The following LRP1B variants were observed in gnomAD, a reference collection of about 807,000 sequenced individuals.
LRP1B encodes the protein low-density lipoprotein receptor-related protein 1B.
A neutral mutation model predicts 556.6 loss-of-function variants in LRP1B; 217 were observed. The observed-to-expected ratio is 0.39, with a 90% CI of 0.35 to 0.44. The LOEUF (loss-of-function observed/expected upper bound fraction) is 0.44. Ranked by LOEUF, LRP1B falls within the 20% of genes least tolerant of loss-of-function variation. The pLI is 1.00. For synonymous variants in LRP1B, 2,047 were observed against 1,865.8 expected (o/e 1.10, Z -2.50); for missense variants, 5,053 against 5,620.8 (o/e 0.90, Z 3.23).
chr2:140,524,724 T>C (rs910214529), intron 49 of LRP1B, among the ~76,000 whole-genome samples: 2 of 151,842 alleles, frequency 1.3e-5, no homozygotes, highest in Non-Finnish European at 2.9e-5. Flanking sequence ...ATGTTCCCAG[T>C]TGCAAGTGGG....
At chr2:140,702,830 C>G (rs1318607642) in intron 37 of LRP1B, among the ~76,000 whole-genome samples, 1 of 152,074 alleles carries the variant, frequency 6.6e-6, no homozygotes. Flanking sequence ...CTTCTCCAAT[C>G]TGTTTGCCTA....
intron 2 of LRP1B, among the ~76,000 whole-genome samples, chr2:141,618,163 G>C (rs944814692): frequency 6.6e-6 from 1 of 151,970 alleles, no homozygotes. Flanking sequence ...GAAAATTATT[G>C]TCCTTTCTCT....
chr2:141,360,217 G>C (rs1222855773), intron 3 of LRP1B, among the ~76,000 whole-genome samples: 2 of 152,148 alleles, frequency 1.3e-5, no homozygotes, highest in Admixed American at 6.5e-5. Flanking sequence ...AAAAGCAATC[G>C]TTGTAAGCCA....
At chr2:140,744,837 T>C (rs1688264021) in intron 35 of LRP1B, among the ~76,000 whole-genome samples, 1 of 152,186 alleles carries the variant, frequency 6.6e-6, no homozygotes, top group African/African-American at 2.4e-5. Flanking sequence ...TCCTCTAGGA[T>C]GCAAGCTCCA....
At chr2:140,971,882 C>T (rs1393121712) in intron 18 of LRP1B, among the ~76,000 whole-genome samples, 1 of 152,154 alleles carries the variant, frequency 6.6e-6, no homozygotes, top group Non-Finnish European at 1.5e-5. Flanking sequence ...AATACAGATT[C>T]CTGGACTCCA....
At chr2:140,539,170 G>A (rs993891184) in intron 45 of LRP1B, among the ~76,000 whole-genome samples, 1 of 152,042 alleles carries the variant, frequency 6.6e-6, no homozygotes, top group African/African-American at 2.4e-5. Context: ...GACAACAAAT[G>A]GTTTTCCCTC....
chr2:140,986,262 T>C (rs957305627), intron 17 of LRP1B, among the ~76,000 whole-genome samples: 1 of 152,116 alleles, frequency 6.6e-6, no homozygotes, highest in African/African-American at 2.4e-5. Flanking sequence ...CATTCTTCTG[T>C]TAATGGACAT....
chr2:141,286,182 T>G (rs1439195631), intron 3 of LRP1B, among the ~76,000 whole-genome samples: 1 of 152,148 alleles, frequency 6.6e-6, no homozygotes, highest in Non-Finnish European at 1.5e-5. Flanking sequence ...GTGTTAAATT[T>G]TGTCAAGTTC....
At chr2:140,282,851 A>AC (rs1682971870) in intron 84 of LRP1B, among the ~76,000 whole-genome samples, 1 of 151,780 alleles carries the variant, frequency 6.6e-6, no homozygotes, top group African/African-American at 2.4e-5. Flanking sequence ...TGTAGAAAAC[A>AC]CCCAACCATC....
chr2:141,620,059 C>T (rs1054615535), intron 2 of LRP1B, among the ~76,000 whole-genome samples: 2 of 152,146 alleles, frequency 1.3e-5, no homozygotes, highest in Non-Finnish European at 2.9e-5. Flanking sequence ...CTCAAGCAAT[C>T]CTCCCACCTT....
At chr2:141,169,149 A>G (rs1467584268) in intron 7 of LRP1B, among the ~76,000 whole-genome samples, 3 of 151,540 alleles carry the variant, frequency 2.0e-5, no homozygotes, top group Non-Finnish European at 2.9e-5. Context: ...AGCTGGGTAT[A>G]GTGGTGGGCC....
intron 4 of LRP1B, among the ~76,000 whole-genome samples, chr2:141,251,312 A>C (rs759948997): frequency 6.6e-6 from 1 of 152,160 alleles, no homozygotes; most frequent in Non-Finnish European, 1.5e-5. Flanking sequence ...CTTTATGAAA[A>C]TTATAGGATG....
rs35647921 is a variant in LRP1B at position 141,597,055 on chromosome 2, T to TACACACAC, written c.206-116530_206-116523dup. 9.5e-5 allele frequency among the ~76,000 whole-genome samples: 14 copies of TACACACAC among 147,364 alleles called. No individual in the cohort carries two copies. In the East Asian group the frequency reaches 2.2e-3, roughly 23 times the overall value. On this transcript the variant is annotated intron_variant, in intron 2 of 90. Coordinates refer to ENST00000389484, the MANE Select transcript of LRP1B (RefSeq NM_018557.3). Reference sequence around the variant, plus strand: ...CACAAACACATAAGTTCTGACATTTTACACACACACACACACACACACACA... The same window carrying TACACACAC: ...CACAAACACATAAGTTCTGACATTTTACACACACACACACACACACACACACACACACA...
At chr2:140,923,297 T>A (rs981645516) in intron 20 of LRP1B, 150 bp from the exon 21 acceptor site, 3 of 586,804 alleles carry the variant, frequency 5.1e-6, no homozygotes, top group Non-Finnish European at 8.9e-6. Context: ...CTTTAGATGG[T>A]TAATAAGTAT....
chr2:140,423,874 A>G (rs1039254807), intron 66 of LRP1B, among the ~76,000 whole-genome samples: 1 of 152,184 alleles, frequency 6.6e-6, no homozygotes, highest in Non-Finnish European at 1.5e-5. Flanking sequence ...TTATGCCCTG[A>G]AAGACATAAT....
intron 66 of LRP1B, among the ~76,000 whole-genome samples, chr2:140,389,159 A>G (rs1262195807): frequency 2.0e-5 from 3 of 152,166 alleles, no homozygotes; most frequent in African/African-American, 4.8e-5. Flanking sequence ...TAAGCATATT[A>G]TCACATAATA....
chr2:140,348,136 T>C (rs1681778841), intron 77 of LRP1B, among the ~76,000 whole-genome samples: 1 of 152,068 alleles, frequency 6.6e-6, no homozygotes, highest in Admixed American at 6.6e-5. Context: ...AATTGTGTAC[T>C]TCAATATTAC....
At chr2:141,375,944 T>C (rs945042583) in intron 3 of LRP1B, among the ~76,000 whole-genome samples, 12 of 152,100 alleles carry the variant, frequency 7.9e-5, no homozygotes, top group African/African-American at 2.7e-4. Context: ...AATGGCGCCT[T>C]GCTTGTCCTT....
chr2:141,733,423 T>C (rs950025849), intron 2 of LRP1B, among the ~76,000 whole-genome samples: 2 of 152,232 alleles, frequency 1.3e-5, no homozygotes, highest in African/African-American at 4.8e-5. Flanking sequence ...GTTTAGCATC[T>C]CTCACCTGAC....
Sources: allele counts gnomAD v4.1 joint callset (sites outside exome capture counted in the v4.1 genomes callset), GRCh38; gene constraint gnomAD v4.1.1; transcripts MANE v1.5; gene names NCBI Gene and HGNC (gene_info 2026-07-23, HGNC 2026-07-21).